The following ANXA8 variants were observed in gnomAD, a reference collection of about 807,000 sequenced individuals.
The protein encoded by ANXA8 is VAC-beta.
ANXA8 carries 9 observed loss-of-function variants against 26.8 expected under a neutral mutation model. That is an observed-to-expected ratio of 0.34 (90% CI 0.20 to 0.59). The LOEUF (loss-of-function observed/expected upper bound fraction) is 0.59, where lower values mean the gene tolerates loss of function less well. ANXA8 is among the 20% of genes least tolerant of loss of function. ANXA8 has a pLI of 0.84. For missense variants in ANXA8, 83 were observed against 238.5 expected, an observed-to-expected ratio of 0.35 and a Z score of 4.29; for synonymous variants, 39 against 94.8, an observed-to-expected ratio of 0.41 and a Z score of 3.42.
intron 3 of ANXA8, chr10:47,477,587 T>TCGTC: frequency 3.8e-6 from 1 of 262,696 alleles, no homozygotes. Context: ...ATTAAAGACT[T>TCGTC]CGTCTCACAT....
the ANXA8 span, among the ~76,000 whole-genome samples, chr10:47,521,214 T>C: frequency 7.6e-6 from 1 of 131,646 alleles, no homozygotes; most frequent in Non-Finnish European, 1.6e-5. Context: ...AGAATGACAA[T>C]AAAGAGCCAT....
chr10:47,655,591 T>C, the ANXA8 span, among the ~76,000 whole-genome samples: 1 of 151,498 alleles, frequency 6.6e-6, no homozygotes, highest in South Asian at 2.1e-4. Flanking sequence ...CAAGACTGGA[T>C]AGTGGAAATG....
chr10:47,554,175 GCCTGTGGTC>G, the ANXA8 span, among the ~76,000 whole-genome samples: 80,253 of 121,286 alleles, frequency 0.66, 28,013 homozygotes, highest in East Asian at 0.92. Context: ...GTGGCAGGGC[GCCTGTGGTC>G]CCTGTGGTCC....
At chr10:47,679,919 A>G in the ANXA8 span, among the ~76,000 whole-genome samples, 1 of 152,012 alleles carries the variant, frequency 6.6e-6, no homozygotes, top group Non-Finnish European at 1.5e-5. Context: ...TCCTTTCTCA[A>G]TAATAACACA....
chr10:47,740,393 A>T, the ANXA8 span, among the ~76,000 whole-genome samples: 1 of 141,154 alleles, frequency 7.1e-6, no homozygotes, highest in Non-Finnish European at 1.5e-5. Flanking sequence ...TTAAATGCAC[A>T]GGTCTTAAGT....
the ANXA8 span, among the ~76,000 whole-genome samples, chr10:47,969,366 ATT>A: frequency 6.6e-6 from 1 of 151,030 alleles, no homozygotes; most frequent in Non-Finnish European, 1.5e-5. Context: ...GCTGTAACAA[ATT>A]TCCACAAATT....
chr10:47,554,395 C>G, the ANXA8 span, among the ~76,000 whole-genome samples: 1 of 150,466 alleles, frequency 6.6e-6, no homozygotes, highest in Non-Finnish European at 1.5e-5. Context: ...ACAAACTGAC[C>G]CAGCCTAAAC....
At chr10:47,944,745 C>T in the ANXA8 span, among the ~76,000 whole-genome samples, 4 of 150,564 alleles carry the variant, frequency 2.7e-5, no homozygotes, top group Non-Finnish European at 2.9e-5. Flanking sequence ...TGAGAGGCCT[C>T]TCCAGCCATG....
chr10:47,631,676 T>A, the ANXA8 span, among the ~76,000 whole-genome samples: 439 of 150,348 alleles, frequency 2.9e-3, 17 homozygotes, highest in East Asian at 0.018. Flanking sequence ...TTATTTTTTT[T>A]AAATAAATAA....
chr10:47,664,483 G>C, the ANXA8 span, among the ~76,000 whole-genome samples: 1 of 151,596 alleles, frequency 6.6e-6, no homozygotes, highest in South Asian at 2.1e-4. Flanking sequence ...CAGGAGAATC[G>C]CTTGAACTCG....
At chr10:47,561,443 G>T in the ANXA8 span, among the ~76,000 whole-genome samples, 1 of 151,798 alleles carries the variant, frequency 6.6e-6, no homozygotes, top group Non-Finnish European at 1.5e-5. Flanking sequence ...TATTCACCAT[G>T]CTGTGCAATT....
chr10:47,552,826 T>TGCTA, the ANXA8 span, among the ~76,000 whole-genome samples: 1 of 151,890 alleles, frequency 6.6e-6, no homozygotes, highest in Non-Finnish European at 1.5e-5. Flanking sequence ...GTCTATGATG[T>TGCTA]GCTAGCCACT....
chr10:47,650,956 G>T, the ANXA8 span, among the ~76,000 whole-genome samples: 1 of 150,614 alleles, frequency 6.6e-6, no homozygotes, highest in Non-Finnish European at 1.5e-5. Context: ...GTGAGGCCAG[G>T]TGTGGTGGCT....
At chr10:47,596,981 C>G in the ANXA8 span, among the ~76,000 whole-genome samples, 2 of 148,792 alleles carry the variant, frequency 1.3e-5, no homozygotes, top group Admixed American at 1.3e-4. Context: ...GCCAATATAT[C>G]TGATGAACAT....
the ANXA8 span, among the ~76,000 whole-genome samples, chr10:47,684,495 A>T: frequency 4.1e-4 from 62 of 152,140 alleles, no homozygotes; most frequent in African/African-American, 1.5e-3. Flanking sequence ...AAGCTTGTTC[A>T]ACCCACAGCC....
At chr10:47,555,274 T>G in the ANXA8 span, among the ~76,000 whole-genome samples, 1 of 151,560 alleles carries the variant, frequency 6.6e-6, no homozygotes, top group Non-Finnish European at 1.5e-5. Context: ...GTATTTCTAG[T>G]AAGTTCCAGT....
upstream of ANXA8, among the ~76,000 whole-genome samples, chr10:47,486,775 C>A (rs2132448047): frequency 7.4e-6 from 1 of 135,658 alleles, no homozygotes; most frequent in South Asian, 2.5e-4. Flanking sequence ...CATGGTGAAA[C>A]CCCATCTCTA....
At chr10:47,941,392 C>T in the ANXA8 span, among the ~76,000 whole-genome samples, 13 of 146,838 alleles carry the variant, frequency 8.9e-5, 1 homozygote, top group Middle Eastern at 3.2e-3. Flanking sequence ...TGGTGGCTCA[C>T]GTCTGTAATC....
chr10:47,468,788 T>A lies in ANXA8; in HGVS notation c.*59A>T, dbSNP rs1839192098. ...ACCCAACCTGCGTCCATGGCCGAGG[T>A]TGAGTGAGGAGTCCTGGAGACTCTG... On this transcript the variant is annotated 3_prime_UTR_variant, in exon 12 of 12. Transcript: ENST00000585281. The A allele has an allele frequency of 6.3e-7, 1 of 1,596,872 alleles. No individual in the cohort carries two copies. The highest frequency in any genetic ancestry group is 1.7e-5 in the Admixed American group (1 of 57,704).
Sources: allele counts gnomAD v4.1 joint callset (sites outside exome capture counted in the v4.1 genomes callset), GRCh38; gene constraint gnomAD v4.1.1; transcripts MANE v1.5; gene names NCBI Gene and HGNC (gene_info 2026-07-23, HGNC 2026-07-21).